The following FAT3 variants were observed in gnomAD, a reference collection of about 807,000 sequenced individuals.
The protein encoded by FAT3 is FAT atypical cadherin 3, also known as protocadherin Fat 3.
In FAT3, 95 loss-of-function variants were observed where a neutral mutation model predicts 310.2. The observed-to-expected ratio is 0.31, with a 90% CI of 0.26 to 0.36. The LOEUF is 0.36. FAT3 is among the 10% of genes least tolerant of loss of function. The pLI is 1.00. For missense variants in FAT3, 5,408 were observed against 5,715.6 expected, an observed-to-expected ratio of 0.95 and a Z score of 1.74; for synonymous variants, 2,314 against 2,192.9, an observed-to-expected ratio of 1.06 and a Z score of -1.54.
At chr11:92,626,087 A>G (rs1941323716) in intron 3 of FAT3, among the ~76,000 whole-genome samples, 1 of 152,166 alleles carries the variant, frequency 6.6e-6, no homozygotes, top group South Asian at 2.1e-4. Flanking sequence ...AGGATGCCTC[A>G]GGTTTGGAAC....
chr11:92,256,128 A>G lies in FAT3; in HGVS notation c.-18+30954A>G, dbSNP rs373080737. On this transcript the variant is annotated intron_variant, in intron 1 of 27. Coordinates refer to ENST00000525166, the MANE Select transcript of FAT3 (RefSeq NM_001367949.2). ...TGTTGCTGAGTCTAAATAACACTGA[A>G]TATCTTTGGCTGTTTTTTTCAGCTC... Among the ~76,000 whole-genome samples, 71 of 152,242 alleles carry G rather than the reference A, an allele frequency of 4.7e-4. 1 individual carries two copies. In the East Asian group the frequency reaches 0.01, roughly 22 times the overall value.
At chr11:92,639,261 G>A (rs977909306) in intron 3 of FAT3, among the ~76,000 whole-genome samples, 2 of 152,132 alleles carry the variant, frequency 1.3e-5, no homozygotes, top group African/African-American at 4.8e-5. Flanking sequence ...CCACTCTAGA[G>A]CAAACGTCCC....
At chr11:92,595,870 A>G (rs766099632) in intron 3 of FAT3, among the ~76,000 whole-genome samples, 6 of 152,070 alleles carry the variant, frequency 3.9e-5, no homozygotes, top group Non-Finnish European at 8.8e-5. Context: ...AACTCTCCCA[A>G]CCTTCTGTCG....
rs1948689383 is a variant in FAT3 at position 92,354,884 on chromosome 11, T to A, written c.2772T>A (p.Val924=). ...QQLFSVVTLK[V]FLDDVNDCSP... ...TGTTTTCAGTTGTCACTCTTAAAGT[T>A]TTTTTAGATGATGTCAATGACTGCT... is the stretch of plus-strand genomic sequence containing the variant. The change falls in exon 2 of 28, where the codon GTT becomes GTA. Residue 924 remains valine, a synonymous_variant. Coordinates refer to ENST00000525166, the MANE Select transcript of FAT3 (RefSeq NM_001367949.2). The A allele has an allele frequency of 1.2e-6, 2 of 1,613,784 alleles. No homozygotes were observed. Among genetic ancestry groups the A allele is most frequent in the African/African-American group, 2.7e-5 (2 of 74,908 alleles).
chr11:92,417,976 A>C (rs1950452493), intron 2 of FAT3, among the ~76,000 whole-genome samples: 1 of 152,038 alleles, frequency 6.6e-6, no homozygotes, highest in African/African-American at 2.4e-5. Context: ...ATTCCTGTTG[A>C]GTTAATGGGG....
At chr11:92,403,350 C>T (rs1591236152) in intron 2 of FAT3, 1 of 152,178 alleles carries the variant, frequency 6.6e-6, no homozygotes. Context: ...TTTTCACTTA[C>T]TTGCTGTGTT....
chr11:92,727,026 A>G (rs1945022549), intron 4 of FAT3, among the ~76,000 whole-genome samples: 2 of 152,178 alleles, frequency 1.3e-5, no homozygotes, highest in South Asian at 4.1e-4. Context: ...AAAAATTGTC[A>G]TCTAAAGCTT....
intron 6 of FAT3, among the ~76,000 whole-genome samples, chr11:92,769,910 G>T (rs963850445): frequency 1.1e-4 from 17 of 152,192 alleles, no homozygotes; most frequent in East Asian, 3.9e-4. Flanking sequence ...ATTTAGAGAT[G>T]AATGAAGTAG....
chr11:92,265,606 C>G (rs968586704), intron 1 of FAT3, among the ~76,000 whole-genome samples: 4 of 152,002 alleles, frequency 2.6e-5, no homozygotes, highest in Non-Finnish European at 5.9e-5. Context: ...ATACCATAAA[C>G]TAAGTAGGCT....
intron 3 of FAT3, among the ~76,000 whole-genome samples, chr11:92,644,108 C>G (rs1942058908): frequency 6.6e-6 from 1 of 152,198 alleles, no homozygotes; most frequent in Non-Finnish European, 1.5e-5. Context: ...GTCTCCAGGG[C>G]CGGGGGCCAA....
At chr11:92,521,123 C>T (rs1466856287) in intron 2 of FAT3, among the ~76,000 whole-genome samples, 1 of 151,994 alleles carries the variant, frequency 6.6e-6, no homozygotes, top group Non-Finnish European at 1.5e-5. Context: ...CTGCAAATCT[C>T]TATATGAAAG....
At chr11:92,673,142 G>T (rs1943181977) in intron 3 of FAT3, among the ~76,000 whole-genome samples, 1 of 152,100 alleles carries the variant, frequency 6.6e-6, no homozygotes, top group African/African-American at 2.4e-5. Context: ...GGTTCAGAAG[G>T]TCAAGCTAAT....
At chr11:92,890,374 T>G (rs1369864142) in intron 27 of FAT3, 117 bp from the exon 28 acceptor site, 3 of 1,256,564 alleles carry the variant, frequency 2.4e-6, no homozygotes, top group South Asian at 1.6e-5. Flanking sequence ...TGTAATAAGC[T>G]TCTTAGGGTT....
intron 3 of FAT3, among the ~76,000 whole-genome samples, chr11:92,560,346 C>T (rs479937): frequency 0.39 from 59,380 of 151,872 alleles, 12,331 homozygotes; most frequent in Middle Eastern, 0.53. Context: ...ATAGAAGACC[C>T]GTGTCAGATA....
At chr11:92,229,490 G>GA (rs1864059882) in intron 1 of FAT3, among the ~76,000 whole-genome samples, 1 of 46,842 alleles carries the variant, frequency 2.1e-5, no homozygotes, top group Non-Finnish European at 4.5e-5. Flanking sequence ...TTGTTTTTTC[G>GA]TGTTTTTTTT....
intron 1 of FAT3, among the ~76,000 whole-genome samples, chr11:92,289,500 TACAC>T (rs10562084): frequency 0.049 from 7,072 of 144,100 alleles, 194 homozygotes; most frequent in Admixed American, 0.054. Context: ...CCATGATAGA[TACAC>T]ACACACACAC....
chr11:92,804,064 G>T (rs895678656), intron 10 of FAT3, among the ~76,000 whole-genome samples: 3 of 152,136 alleles, frequency 2.0e-5, no homozygotes, highest in African/African-American at 7.2e-5. Context: ...GTGAGATATG[G>T]CTCCAAGTTT....
chr11:92,629,756 C>T (rs1158777469), intron 3 of FAT3, among the ~76,000 whole-genome samples: 1 of 152,134 alleles, frequency 6.6e-6, no homozygotes, highest in Admixed American at 6.6e-5. Flanking sequence ...CCTGTCTCTC[C>T]TACTATGCTT....
At chr11:92,334,888 G>A (rs1460140058) in intron 1 of FAT3, among the ~76,000 whole-genome samples, 1 of 152,164 alleles carries the variant, frequency 6.6e-6, no homozygotes, top group Non-Finnish European at 1.5e-5. Flanking sequence ...CTTACGTGAG[G>A]GAATGTCAGG....
Sources: allele counts gnomAD v4.1 joint callset (sites outside exome capture counted in the v4.1 genomes callset), GRCh38; gene constraint gnomAD v4.1.1; transcripts MANE v1.5; gene names NCBI Gene and HGNC (gene_info 2026-07-23, HGNC 2026-07-21).